Variants in BLTP1 observed in about 807,000 individuals in gnomAD.
BLTP1 encodes the protein bridge-like lipid transfer protein family member 1, also known as fragile site-associated protein.
the BLTP1 span, among the ~76,000 whole-genome samples, chr4:122,274,092 T>C: frequency 6.6e-6 from 1 of 152,200 alleles, no homozygotes; most frequent in East Asian, 1.9e-4. Flanking sequence ...AATGCAGGAA[T>C]GGCATATTGA....
chr4:122,238,215 C>T, the BLTP1 span: 1 of 1,613,414 alleles, frequency 6.2e-7, no homozygotes, highest in Non-Finnish European at 8.5e-7. Flanking sequence ...TCCTCTTCCT[C>T]AGAAGAGAAC....
chr4:122,200,359 C>T, the BLTP1 span: 4 of 808,828 alleles, frequency 4.9e-6, no homozygotes, highest in Non-Finnish European at 6.0e-6. Context: ...AGGCGGATCA[C>T]TTGAGGTCAG....
chr4:122,305,640 C>T, the BLTP1 span: 2 of 957,348 alleles, frequency 2.1e-6, no homozygotes, highest in East Asian at 1.1e-4. Flanking sequence ...GAATATGGAC[C>T]TCATCCTAAC....
At chr4:122,203,172 C>T in the BLTP1 span, among the ~76,000 whole-genome samples, 36,462 of 151,746 alleles carry the variant, frequency 0.24, 4,778 homozygotes, top group African/African-American at 0.31. Context: ...AAGAAATTAT[C>T]TCTCTGATGT....
chr4:122,334,383 A>G, the BLTP1 span: 2 of 1,610,234 alleles, frequency 1.2e-6, no homozygotes, highest in Non-Finnish European at 8.5e-7. Flanking sequence ...TGAATCACCT[A>G]ATGCCTCCAG....
At chr4:122,246,941 C>T in the BLTP1 span, 2 of 1,419,962 alleles carry the variant, frequency 1.4e-6, no homozygotes, top group South Asian at 3.1e-5. Flanking sequence ...TTTGGAATTT[C>T]AAATCTTAAT....
the BLTP1 span, chr4:122,345,070 G>C: frequency 1.0e-6 from 1 of 960,356 alleles, no homozygotes. Context: ...CCAGAATACT[G>C]AGTAAAAACT....
chr4:122,158,486 G>A, the BLTP1 span, among the ~76,000 whole-genome samples: 2 of 152,128 alleles, frequency 1.3e-5, no homozygotes, highest in Non-Finnish European at 2.9e-5. Flanking sequence ...AAGTTTTTGA[G>A]GCTGGGCACA....
At chr4:122,247,511 T>A in the BLTP1 span, 3 of 1,034,284 alleles carry the variant, frequency 2.9e-6, no homozygotes, top group South Asian at 5.0e-5. Context: ...ACACGTGGTA[T>A]TTAGCTACTT....
the BLTP1 span, among the ~76,000 whole-genome samples, chr4:122,213,095 C>CT: frequency 2.0e-5 from 3 of 152,132 alleles, no homozygotes; most frequent in Non-Finnish European, 4.4e-5. Flanking sequence ...TGCAGTGGAG[C>CT]AATCATAGCT....
the BLTP1 span, among the ~76,000 whole-genome samples, chr4:122,299,406 T>G: frequency 1.3e-5 from 2 of 152,066 alleles, no homozygotes; most frequent in Non-Finnish European, 1.5e-5. Context: ...GAAAGTGAGC[T>G]CAAGGAACAG....
the BLTP1 span, among the ~76,000 whole-genome samples, chr4:122,202,297 A>C: frequency 6.6e-6 from 1 of 152,098 alleles, no homozygotes; most frequent in South Asian, 2.1e-4. Flanking sequence ...CAAATTTATG[A>C]AAAAAATTAT....
the BLTP1 span, among the ~76,000 whole-genome samples, chr4:122,161,621 G>A: frequency 2.6e-5 from 4 of 151,620 alleles, no homozygotes; most frequent in Non-Finnish European, 5.9e-5. Flanking sequence ...TTGTAGAGAC[G>A]GCGTTTCCTC....
At chr4:122,198,409 G>A in the BLTP1 span, 1 of 985,166 alleles carries the variant, frequency 1.0e-6, no homozygotes, top group Non-Finnish European at 1.2e-6. Flanking sequence ...GTGTATGATG[G>A]GGTATAAAGG....
the BLTP1 span, chr4:122,221,165 G>A: frequency 2.5e-6 from 1 of 406,718 alleles, no homozygotes; most frequent in Non-Finnish European, 3.3e-6. Flanking sequence ...CTGACAACCA[G>A]AAATCATCAA....
At chr4:122,317,079 C>A in the BLTP1 span, among the ~76,000 whole-genome samples, 638 of 152,204 alleles carry the variant, frequency 4.2e-3, 2 homozygotes, top group African/African-American at 0.014. Flanking sequence ...TGCCTGTAAT[C>A]CCAGCACTTT....
chr4:122,307,571 G>A, the BLTP1 span: 1 of 984,672 alleles, frequency 1.0e-6, no homozygotes, highest in Non-Finnish European at 1.2e-6. Context: ...CTAGCATTAT[G>A]TACCTTAAAG....
the BLTP1 span, chr4:122,346,970 T>G: frequency 1.4e-5 from 11 of 783,302 alleles, no homozygotes; most frequent in African/African-American, 1.9e-5. Context: ...AAGTTTTGTC[T>G]TCTTTGAGAT....
At chr4:122,359,466 A>ATAGAT in the BLTP1 span, 1 of 1,504,300 alleles carries the variant, frequency 6.6e-7, no homozygotes. Context: ...TGGCCAGGTC[A>ATAGAT]TAGATAAAAT....
Sources: allele counts gnomAD v4.1 joint callset (sites outside exome capture counted in the v4.1 genomes callset), GRCh38; gene constraint gnomAD v4.1.1; transcripts MANE v1.5; gene names NCBI Gene and HGNC (gene_info 2026-07-23, HGNC 2026-07-21).